COL4A6: variants seen among roughly 807,000 people sequenced by gnomAD.
The protein encoded by COL4A6 is collagen type IV alpha 6 chain.
COL4A6 carries 59 observed loss-of-function variants against 126.7 expected under a neutral mutation model. That is an observed-to-expected ratio of 0.47 (90% confidence interval 0.38 to 0.58). The LOEUF (loss-of-function observed/expected upper bound fraction) is 0.58, where lower values mean the gene tolerates loss of function less well. Among genes scored for constraint, COL4A6 ranks in the 20% least tolerant of loss-of-function variants. The pLI, the probability that COL4A6 is intolerant of heterozygous loss-of-function variation, is 0.00. For missense variants in COL4A6, 1,285 were observed against 1,337.3 expected, an observed-to-expected ratio of 0.96 and a Z score of 0.61; for synonymous variants, 547 against 496.6, an observed-to-expected ratio of 1.10 and a Z score of -1.35.
rs1417847476 is a variant in COL4A6, at chrX:108,202,938, G to A, written c.824C>T (p.Pro275Leu). The change falls in exon 13 of 45, where the codon CCA becomes CTA. Residue 275 changes from proline to leucine, a missense_variant. Coordinates refer to ENST00000334504, the MANE Select transcript of COL4A6 (RefSeq NM_033641.4). ...AATAGAGAGACTTACCGGGAAGCCTGGAGGGCCACTTATGCCTGGAAAACC... is the reference window on the plus strand; with the variant it reads ...AATAGAGAGACTTACCGGGAAGCCTAGAGGGCCACTTATGCCTGGAAAACC... ...PKGFPGISGPPGFPGLGTTGE... is the reference protein window; with the variant it reads ...PKGFPGISGPLGFPGLGTTGE... 1 of 1,208,047 alleles carries A rather than the reference G, an allele frequency of 8.3e-7. No individual in the cohort carries two copies. Among genetic ancestry groups the A allele is most frequent in the African/African-American group, 1.8e-5 (1 of 57,011 alleles).
At chrX:108,201,688 A>G (rs908300130) in intron 13 of COL4A6, among the ~76,000 whole-genome samples, 1 of 111,747 alleles carries the variant, frequency 8.9e-6, no homozygotes, top group African/African-American at 3.3e-5. Flanking sequence ...TTCCCTAATA[A>G]CAAGGTTGAA....
chrX:108,187,632 T>C (rs750634428), intron 22 of COL4A6, among the ~76,000 whole-genome samples: 1 of 112,226 alleles, frequency 8.9e-6, no homozygotes, highest in East Asian at 2.8e-4. Flanking sequence ...CAGGTGTTAC[T>C]AGCATTTATC....
At chrX:108,184,181 A>G (rs762608000) in intron 23 of COL4A6, among the ~76,000 whole-genome samples, 3 of 112,518 alleles carry the variant, frequency 2.7e-5, no homozygotes, top group Non-Finnish European at 5.6e-5. Context: ...CTACAATGCA[A>G]ATGTGTGGGG....
At chrX:108,164,579 C>T (rs1265775923) in intron 40 of COL4A6, 21 bp downstream of exon 40, 1 of 1,200,186 alleles carries the variant, frequency 8.3e-7, no homozygotes, top group East Asian at 3.0e-5. Context: ...TGGATCAGCC[C>T]AGCACATGCT....
chrX:108,423,524 A>G (rs2064020021), intron 2 of COL4A6, among the ~76,000 whole-genome samples: 1 of 111,884 alleles, frequency 8.9e-6, no homozygotes, highest in Non-Finnish European at 1.9e-5. Flanking sequence ...TAGGAATGGC[A>G]AAGAAAGAAC....
rs2295918 is a variant in COL4A6, at chrX:108,193,198, A to G, written c.1072+430T>C. On this transcript the variant is annotated intron_variant, in intron 17 of 44. Transcript: ENST00000334504. ...ATCACACTCTTGAGGGCTCTCAGCC[A>G]CTTGCTCCCCTAACTAAAGGTACTT... 1.0e-3 allele frequency among the ~76,000 whole-genome samples: 112 copies of G among 112,242 alleles called. 5 individuals are homozygous for G. In the East Asian group the frequency reaches 0.03, roughly 31 times the overall value.
intron 2 of COL4A6, among the ~76,000 whole-genome samples, chrX:108,382,966 A>AATAATG (rs1447097415): frequency 2.9e-4 from 25 of 86,082 alleles, no homozygotes; most frequent in Non-Finnish European, 4.5e-4. Flanking sequence ...CGCCAAAAAT[A>AATAATG]ATAATAATAA....
At chrX:108,243,982 G>C (rs1007809795) in intron 3 of COL4A6, among the ~76,000 whole-genome samples, 2 of 111,949 alleles carry the variant, frequency 1.8e-5, no homozygotes, top group African/African-American at 6.5e-5. Context: ...TTCTCTTTTA[G>C]TTCTCTTCAG....
chrX:108,424,090 T>C (rs769430229), intron 2 of COL4A6, among the ~76,000 whole-genome samples: 5 of 111,913 alleles, frequency 4.5e-5, no homozygotes, highest in Admixed American at 9.5e-5. Flanking sequence ...CTGTAGTGTA[T>C]GATTCTTCAT....
chrX:108,416,282 A>G (rs780486870), intron 2 of COL4A6, among the ~76,000 whole-genome samples: 1 of 111,892 alleles, frequency 8.9e-6, no homozygotes, highest in African/African-American at 3.2e-5. Flanking sequence ...TATTTATAGC[A>G]TAAAGTCTGG....
chrX:108,172,585 C>A (rs1449070375), intron 31 of COL4A6, 53 bp from the exon 32 acceptor site: 14 of 956,125 alleles, frequency 1.5e-5, no homozygotes, highest in Non-Finnish European at 2.1e-5. Context: ...GGACTGCCCA[C>A]CCTCTTACTT....
intron 3 of COL4A6, among the ~76,000 whole-genome samples, chrX:108,291,934 C>G (rs190510789): frequency 9.0e-6 from 1 of 111,661 alleles, no homozygotes; most frequent in Non-Finnish European, 1.9e-5. Flanking sequence ...TTGTAGGTGG[C>G]ATTTTAGATT....
chrX:108,415,429 T>C (rs2041415778), intron 2 of COL4A6, among the ~76,000 whole-genome samples: 2 of 112,084 alleles, frequency 1.8e-5, no homozygotes, highest in South Asian at 3.7e-4. Context: ...AAATGCAGAA[T>C]TATGGGAAGA....
chrX:108,162,455 AAAGAAG>A (rs201067756), intron 41 of COL4A6, among the ~76,000 whole-genome samples: 55 of 108,109 alleles, frequency 5.1e-4, no homozygotes, highest in South Asian at 1.6e-3. Flanking sequence ...ACGAAGAAGA[AAAGAAG>A]AAGAAGAAGA....
chrX:108,245,359 T>C (rs990788410), intron 3 of COL4A6, among the ~76,000 whole-genome samples: 5 of 112,140 alleles, frequency 4.5e-5, no homozygotes, highest in Non-Finnish European at 7.5e-5. Context: ...CACCATGTTA[T>C]TGTCAGCATT....
chrX:108,279,291 G>A (rs2037722253), intron 3 of COL4A6, among the ~76,000 whole-genome samples: 1 of 111,033 alleles, frequency 9.0e-6, no homozygotes, highest in African/African-American at 3.3e-5. Context: ...TAAAAGGATG[G>A]AGGAAGATCT....
At chrX:108,398,520 G>A (rs1158208697) in intron 2 of COL4A6, among the ~76,000 whole-genome samples, 1 of 111,094 alleles carries the variant, frequency 9.0e-6, no homozygotes, top group Non-Finnish European at 1.9e-5. Flanking sequence ...TTCTGTAGTG[G>A]TGGTAACATT....
In COL4A6 at chrX:108,174,570, G is replaced by C. The variant is rs1293270466; in HGVS notation, c.3008C>G (p.Pro1003Arg). ...RPGPPGLPGA[P>R]GLPGIIKGVS... is the part of the protein sequence containing the mutation. ...TCCTTTGATAATGCCTGGGAGGCCA[G>C]GAGCTCCAGGTAGGCCTGGTGGTCC... Residue 1003 changes from proline (P) to arginine (R), a missense_variant, in exon 31 of 45, where the codon CCT (proline) becomes CGT (arginine). Pro to Arg is a moderately radical substitution (Grantham distance 103, BLOSUM62 -2). Coordinates refer to ENST00000334504, the MANE Select transcript of COL4A6 (RefSeq NM_033641.4). 3.3e-6 allele frequency: 4 copies of C among 1,204,966 alleles called. No homozygotes were observed. The South Asian group carries it at 7.2e-5, about 22-fold the overall frequency.
chrX:108,336,965 A>C (rs905349121), intron 2 of COL4A6, among the ~76,000 whole-genome samples: 12 of 110,064 alleles, frequency 1.1e-4, no homozygotes, highest in Non-Finnish European at 2.3e-4. Context: ...ACCAATTCAA[A>C]TTTTGCCCAT....
Sources: allele counts gnomAD v4.1 joint callset (sites outside exome capture counted in the v4.1 genomes callset), GRCh38; gene constraint gnomAD v4.1.1; transcripts MANE v1.5; gene names NCBI Gene and HGNC (gene_info 2026-07-23, HGNC 2026-07-21).